The following WDR93 variants were observed in gnomAD, a reference collection of about 807,000 sequenced individuals.
The protein encoded by WDR93 is WD repeat-containing protein 93.
WDR93 carries 73 observed loss-of-function variants against 82.9 expected under a neutral mutation model. The ratio of observed to expected loss-of-function variants is 0.88; its 90% CI spans 0.73 to 1.07. The LOEUF (loss-of-function observed/expected upper bound fraction) is 1.07. Ranked by LOEUF, WDR93 falls within the 50% of genes least tolerant of loss-of-function variation. The pLI, the probability that WDR93 is intolerant of heterozygous loss-of-function variation, is 0.00. For missense variants in WDR93, 738 were observed against 826.0 expected (o/e 0.89, Z 1.31); for synonymous variants, 283 against 300.1 (o/e 0.94, Z 0.59).
At chr15:89,727,626 T>C (rs1966789431) in intron 9 of WDR93, among the ~76,000 whole-genome samples, 1 of 152,186 alleles carries the variant, frequency 6.6e-6, no homozygotes, top group Non-Finnish European at 1.5e-5. Context: ...TTTTGAAATG[T>C]TGTGTGGAGA....
At chr15:89,742,044 C>A (rs998658122) in intron 16 of WDR93, among the ~76,000 whole-genome samples, 1 of 152,164 alleles carries the variant, frequency 6.6e-6, no homozygotes, top group African/African-American at 2.4e-5. Context: ...AGCCATCACA[C>A]CCGGCCTCCA....
chr15:89,699,649 A>C (rs1965360566), intron 1 of WDR93, among the ~76,000 whole-genome samples: 1 of 150,144 alleles, frequency 6.7e-6, no homozygotes, highest in African/African-American at 2.5e-5. Flanking sequence ...AGTCTTTTTT[A>C]TTCCTTCGTT....
At chr15:89,722,782 G>C (rs898024187) in intron 8 of WDR93, among the ~76,000 whole-genome samples, 2 of 151,980 alleles carry the variant, frequency 1.3e-5, no homozygotes, top group African/African-American at 4.8e-5. Flanking sequence ...TATCCTCTCA[G>C]CATTCACACA....
intron 3 of WDR93, chr15:89,704,710 T>A (rs1248091987): frequency 2.6e-5 from 4 of 152,194 alleles, no homozygotes; most frequent in African/African-American, 9.7e-5. Flanking sequence ...TCTAGGGATA[T>A]CTCTGTGGGA....
At chr15:89,702,096 G>A in intron 2 of WDR93, 47 bp downstream of exon 2, 1 of 1,539,676 alleles carries the variant, frequency 6.5e-7, no homozygotes, top group South Asian at 1.3e-5. Flanking sequence ...TCAGTTGAGT[G>A]TTAATAAATG....
intron 8 of WDR93, among the ~76,000 whole-genome samples, chr15:89,725,570 C>CTTTT: frequency 1.4e-5 from 2 of 141,526 alleles, no homozygotes; most frequent in African/African-American, 2.6e-5. Flanking sequence ...TTTTTCTTTT[C>CTTTT]TTTTTTTTTT....
intron 1 of WDR93, among the ~76,000 whole-genome samples, chr15:89,694,691 T>C (rs1359226333): frequency 1.3e-5 from 2 of 152,266 alleles, no homozygotes; most frequent in Non-Finnish European, 1.5e-5. Flanking sequence ...AAGTTTATTT[T>C]TGAAAAGGTT....
At chr15:89,733,707 TAG>T in intron 13 of WDR93, among the ~76,000 whole-genome samples, 1 of 152,274 alleles carries the variant, frequency 6.6e-6, no homozygotes, top group East Asian at 1.9e-4. Context: ...CGGGACTCTC[TAG>T]AGAGTCCCCA....
At chr15:89,737,504 C>A in intron 14 of WDR93, 69 bp from the exon 15 acceptor site, 1 of 1,592,128 alleles carries the variant, frequency 6.3e-7, no homozygotes, top group South Asian at 1.1e-5. Context: ...CTGGGGTGAC[C>A]TCTACACGAC....
At chr15:89,710,246 G>A (rs756884294) in intron 4 of WDR93, among the ~76,000 whole-genome samples, 1 of 152,076 alleles carries the variant, frequency 6.6e-6, no homozygotes, top group South Asian at 2.1e-4. Flanking sequence ...AACACTAATC[G>A]GCAATAATAA....
intron 14 of WDR93, among the ~76,000 whole-genome samples, chr15:89,736,214 G>C (rs1048066422): frequency 1.3e-5 from 2 of 152,240 alleles, no homozygotes; most frequent in Non-Finnish European, 2.9e-5. Context: ...ACCTGTGGCT[G>C]TTGCCAAAGG....
In WDR93 at chr15:89,701,947, G is replaced by A; in HGVS notation, c.201G>A (p.Leu67=). 1 of 1,614,100 alleles carries A rather than the reference G, an allele frequency of 6.2e-7. No homozygotes were observed. Among genetic ancestry groups the A allele is most frequent in the South Asian group, 1.1e-5 (1 of 91,076 alleles). Residue 67 remains leucine, a synonymous_variant, in exon 2 of 17, where the codon CTG becomes CTA. Coordinates refer to ENST00000268130, the MANE Select transcript of WDR93 (RefSeq NM_020212.2). ...TGATCAACAAGCTGGTGAACCTTCT[G>A]TTTGACCAGTCTTGGGAAATTATTG... The part of the protein sequence containing the change: ...YRMINKLVNL[L]FDQSWEIIEE...
intron 4 of WDR93, among the ~76,000 whole-genome samples, chr15:89,708,595 C>T (rs1965825462): frequency 6.6e-6 from 1 of 152,112 alleles, no homozygotes; most frequent in South Asian, 2.1e-4. Flanking sequence ...GATTCAATGT[C>T]AGGAATGGCT....
intron 7 of WDR93, 36 bp downstream of exon 7, chr15:89,716,985 A>T: frequency 7.7e-7 from 1 of 1,297,914 alleles, no homozygotes; most frequent in Non-Finnish European, 1.0e-6. Context: ...AGAGAGACTT[A>T]AGTTTGTATT....
chr15:89,730,886 A>G (rs1008915931), intron 11 of WDR93, among the ~76,000 whole-genome samples: 2 of 152,070 alleles, frequency 1.3e-5, no homozygotes, highest in Non-Finnish European at 2.9e-5. Flanking sequence ...CCTGTCTCAA[A>G]AAAAAAAAAA....
At chr15:89,737,151 G>A (rs1353362820) in intron 14 of WDR93, among the ~76,000 whole-genome samples, 2 of 152,162 alleles carry the variant, frequency 1.3e-5, no homozygotes, top group African/African-American at 4.8e-5. Flanking sequence ...AAAGAGCCCA[G>A]GCAAGAGAGC....
intron 16 of WDR93, among the ~76,000 whole-genome samples, chr15:89,738,626 C>CAAA (rs34617270): frequency 5.6e-4 from 46 of 81,456 alleles, no homozygotes; most frequent in African/African-American, 1.9e-3. Flanking sequence ...GACTCTGTCC[C>CAAA]AAAAAAAAAA....
chr15:89,708,849 C>T (rs912263861), intron 4 of WDR93, among the ~76,000 whole-genome samples: 10 of 152,188 alleles, frequency 6.6e-5, no homozygotes, highest in Non-Finnish European at 8.8e-5. Flanking sequence ...ACTCACCAGC[C>T]GAATTATCAG....
intron 14 of WDR93, among the ~76,000 whole-genome samples, chr15:89,736,253 C>T (rs539640896): frequency 3.3e-4 from 50 of 152,306 alleles, no homozygotes; most frequent in African/African-American, 1.2e-3. Flanking sequence ...TTGATCCTCG[C>T]TTGCAGAGGT....
Sources: gnomAD v4.1 joint callset for allele counts (sites outside exome capture counted in the v4.1 genomes callset) on GRCh38, gnomAD v4.1.1 for gene constraint, MANE v1.5 for transcripts, NCBI Gene and HGNC (gene_info 2026-07-23, HGNC 2026-07-21) for gene names.